Variants in POC1B observed in about 807,000 individuals in gnomAD.
POC1B encodes POC1 centriolar protein B.
Under a neutral mutation model 60.6 loss-of-function variants are expected in POC1B, and 44 were observed. The ratio of observed to expected loss-of-function variants is 0.73; its 90% CI spans 0.57 to 0.93. The LOEUF (loss-of-function observed/expected upper bound fraction) is 0.93. Among genes scored for constraint, POC1B ranks in the 40% least tolerant of loss-of-function variants. The pLI, the probability that POC1B is intolerant of heterozygous loss-of-function variation, is 0.00. For synonymous variants in POC1B, 180 were observed against 198.9 expected (o/e 0.90, Z 0.80); for missense variants, 555 against 572.3 (o/e 0.97, Z 0.31).
intron 10 of POC1B, among the ~76,000 whole-genome samples, chr12:89,440,784 T>A (rs535735664): frequency 6.6e-6 from 1 of 152,292 alleles, no homozygotes; most frequent in South Asian, 2.1e-4. Context: ...GGACAGTGGG[T>A]GCAGCCCACA....
chr12:89,415,426 G>C (rs368449395), downstream of POC1B, among the ~76,000 whole-genome samples: 4 of 152,078 alleles, frequency 2.6e-5, no homozygotes, highest in Admixed American at 6.5e-5. Context: ...GGTGGATCAC[G>C]AGGTCAAGAG....
intron 2 of POC1B, chr12:89,524,157 A>G: frequency 1.2e-6 from 2 of 1,614,048 alleles, no homozygotes; most frequent in African/African-American, 1.3e-5. Context: ...GAAGTGTCCT[A>G]TAGTTGAACT....
chr12:89,430,439 C>G (rs577144074), intron 10 of POC1B, among the ~76,000 whole-genome samples: 2 of 152,044 alleles, frequency 1.3e-5, no homozygotes, highest in African/African-American at 2.4e-5. Flanking sequence ...GAAAATTAAC[C>G]ATTCAACAAC....
At chr12:89,452,975 G>T (rs1882114631) in intron 10 of POC1B, among the ~76,000 whole-genome samples, 2 of 151,994 alleles carry the variant, frequency 1.3e-5, no homozygotes, top group African/African-American at 4.8e-5. Flanking sequence ...CAACTAATTT[G>T]CAAATAGTCT....
At chr12:89,462,652 T>A (rs1882523751) in intron 9 of POC1B, among the ~76,000 whole-genome samples, 1 of 152,162 alleles carries the variant, frequency 6.6e-6, no homozygotes, top group African/African-American at 2.4e-5. Flanking sequence ...CAGGATAAAA[T>A]GTAATTTTGT....
intron 10 of POC1B, among the ~76,000 whole-genome samples, chr12:89,441,838 A>G (rs1881535516): frequency 6.6e-6 from 1 of 152,260 alleles, no homozygotes; most frequent in African/African-American, 2.4e-5. Context: ...CTAAAGAAAG[A>G]TGTTCGAACC....
intron 9 of POC1B, chr12:89,460,778 A>T (rs1882453763): frequency 6.6e-6 from 1 of 152,258 alleles, no homozygotes; most frequent in Non-Finnish European, 1.5e-5. Context: ...CTCATTCAAA[A>T]TTAAACAATA....
rs775941654 is a variant in POC1B, at chr12:89,467,624, T to C, written c.872A>G (p.Asp291Gly). ...GGELFASGGA[D>G]TQVLLWRTNF... ...GCTGAAAGATTTACAAACCTGTGTG[T>C]CTGCACCTCCTGATGCAAATAGCTC... The change falls in exon 8 of 12, where the codon GAC becomes GGC. Residue 291 changes from aspartate (D) to glycine (G), a missense_variant. Physicochemically the swap from Asp to Gly is moderately conservative, Grantham distance 94. Transcript: ENST00000313546. 18 of 1,610,784 alleles carry C rather than the reference T, an allele frequency of 1.1e-5. No individual in the cohort carries two copies. Among genetic ancestry groups the C allele is most frequent in the Non-Finnish European group, 1.5e-5 (18 of 1,177,584 alleles).
chr12:89,404,703 T>G, the POC1B span, among the ~76,000 whole-genome samples: 1 of 152,182 alleles, frequency 6.6e-6, no homozygotes, highest in Non-Finnish European at 1.5e-5. Context: ...CTTCCTGGGT[T>G]GCCACAATCG....
chr12:89,523,953 A>C (rs1431867877), intron 2 of POC1B: 1 of 1,613,688 alleles, frequency 6.2e-7, no homozygotes. Flanking sequence ...TATTGGTCCT[A>C]ATCAAGCGTA....
chr12:89,463,125 T>C (rs935273759), intron 9 of POC1B, among the ~76,000 whole-genome samples: 12 of 152,176 alleles, frequency 7.9e-5, no homozygotes, highest in African/African-American at 2.7e-4. Context: ...TATATAAATA[T>C]TTGGTTAAGG....
chr12:89,468,074 TA>T (rs1320115860), intron 7 of POC1B, among the ~76,000 whole-genome samples: 3 of 152,222 alleles, frequency 2.0e-5, no homozygotes, highest in Non-Finnish European at 4.4e-5. Context: ...TGAGGCTATT[TA>T]CATGAAGTCC....
At chr12:89,519,317 A>G (rs1289361946) in intron 2 of POC1B, 2 of 152,272 alleles carry the variant, frequency 1.3e-5, no homozygotes, top group Non-Finnish European at 2.9e-5. Flanking sequence ...GAATTTTCAA[A>G]TAAGTAAAAG....
rs546534092 is a variant in POC1B, at chr12:89,518,833, C to T, written c.100+6287G>A. On this transcript the variant is annotated intron_variant, in intron 2 of 11. Transcript: ENST00000313546. ...GTTAGAATACAAGTATTTACAGGAA[C>T]TTTTAAGTGTATAAAAATTAGTGAA... Among the ~76,000 whole-genome samples, 12 of 152,240 alleles carry T rather than the reference C, an allele frequency of 7.9e-5. No homozygotes were observed. The East Asian group carries it at 2.3e-3, about 29-fold the overall frequency.
At chr12:89,404,754 T>G in the POC1B span, among the ~76,000 whole-genome samples, 1 of 152,136 alleles carries the variant, frequency 6.6e-6, no homozygotes, top group Admixed American at 6.6e-5. Context: ...TTCTAAAAAT[T>G]CCTGAATTAC....
intron 4 of POC1B, among the ~76,000 whole-genome samples, chr12:89,474,189 G>C (rs1046870007): frequency 6.6e-6 from 1 of 151,288 alleles, no homozygotes; most frequent in South Asian, 2.1e-4. Flanking sequence ...CTGGGTTACA[G>C]AGTAAGACTC....
chr12:89,413,327 TC>T, the POC1B span, among the ~76,000 whole-genome samples: 1 of 152,154 alleles, frequency 6.6e-6, no homozygotes, highest in African/African-American at 2.4e-5. Flanking sequence ...TGCCTCGGCC[TC>T]CCAAGTAGCT....
chr12:89,523,755 T>C, intron 2 of POC1B: 1 of 1,540,934 alleles, frequency 6.5e-7, no homozygotes, highest in Non-Finnish European at 8.7e-7. Context: ...GCATATAGAA[T>C]TCAAAAGTAT....
chr12:89,474,583 A>G (rs1482958646), intron 4 of POC1B, among the ~76,000 whole-genome samples: 1 of 152,130 alleles, frequency 6.6e-6, no homozygotes, highest in Non-Finnish European at 1.5e-5. Context: ...TGCTTGTCTC[A>G]ATTTACAGTG....
Sources: allele counts gnomAD v4.1 joint callset (sites outside exome capture counted in the v4.1 genomes callset), GRCh38; gene constraint gnomAD v4.1.1; transcripts MANE v1.5; gene names NCBI Gene and HGNC (gene_info 2026-07-23, HGNC 2026-07-21).